Variants in SERPINA6 observed in about 807,000 individuals in gnomAD.
The protein encoded by SERPINA6 is corticosteroid-binding globulin.
In SERPINA6, 19 loss-of-function variants were observed where a neutral mutation model predicts 26.4. The ratio of observed to expected loss-of-function variants is 0.72; its 90% CI spans 0.50 to 1.06. The LOEUF (loss-of-function observed/expected upper bound fraction) is 1.06, where lower values mean the gene tolerates loss of function less well. Ranked by LOEUF, SERPINA6 falls within the 50% of genes least tolerant of loss-of-function variation. The pLI, the probability that SERPINA6 is intolerant of heterozygous loss-of-function variation, is 0.00. For missense variants in SERPINA6, 473 were observed against 504.0 expected (o/e 0.94, Z 0.59); for synonymous variants, 196 against 199.4 (o/e 0.98, Z 0.14).
intron 2 of SERPINA6, among the ~76,000 whole-genome samples, chr14:94,311,064 A>G (rs1895522677): frequency 6.6e-6 from 1 of 152,220 alleles, no homozygotes; most frequent in African/African-American, 2.4e-5. Context: ...ACCTTTTGTA[A>G]TAGCTACTTA....
Position 94,314,659 on chromosome 14 carries a change from A to G in SERPINA6, c.-11T>C. The G allele has an allele frequency of 6.2e-7, 1 of 1,611,904 alleles. No individual in the cohort carries two copies. Among genetic ancestry groups the G allele is most frequent in the Middle Eastern group, 1.7e-4 (1 of 6,060 alleles). On this transcript the variant is annotated 5_prime_UTR_variant, in exon 2 of 5. Coordinates refer to ENST00000341584, the MANE Select transcript of SERPINA6 (RefSeq NM_001756.4). ...CAGGAGGAGTGGCATTGTCCAGTAT[A>G]GCCAGGCCCTGCCAAATCAGAAAAG...
chr14:94,316,557 G>A (rs1895617362), intron 1 of SERPINA6, among the ~76,000 whole-genome samples: 1 of 152,160 alleles, frequency 6.6e-6, no homozygotes, highest in African/African-American at 2.4e-5. Context: ...TGTTTTACCA[G>A]CTGCTAAGGT....
chr14:94,315,012 A>C (rs1895593805), intron 1 of SERPINA6, among the ~76,000 whole-genome samples: 1 of 152,234 alleles, frequency 6.6e-6, no homozygotes, highest in Non-Finnish European at 1.5e-5. Context: ...GTTAAAACCC[A>C]CCCAAAGGAT....
chr14:94,304,278 G>T lies in SERPINA6; in HGVS notation c.*140C>A, dbSNP rs532985180. 1 of 846,988 alleles carries T rather than the reference G, an allele frequency of 1.2e-6. No individual in the cohort carries two copies. Among genetic ancestry groups the T allele is most frequent in the East Asian group, 2.5e-5 (1 of 40,340 alleles). 52.5% of individuals were successfully genotyped at this position (846,988 alleles called of 1,614,324 possible). A position where few individuals can be genotyped will look rare whatever the true frequency, so the allele number is the denominator to read the frequency against. On this transcript the variant is annotated 3_prime_UTR_variant, in exon 5 of 5. Transcript: ENST00000341584. ...GTCGCAATGACATTTATTAAAAGAT[G>T]CCTAAAGTTAGACACAACTCTGGTT...
intron 1 of SERPINA6, among the ~76,000 whole-genome samples, chr14:94,319,225 G>A (rs1324562505): frequency 6.6e-6 from 1 of 152,212 alleles, no homozygotes; most frequent in South Asian, 2.1e-4. Context: ...AGCTGAGGCA[G>A]GAGGAATGCT....
chr14:94,314,208 G>A lies in SERPINA6; in HGVS notation c.441C>T (p.Ile147=), dbSNP rs150926257. The change falls in exon 2 of 5, where the codon ATC becomes ATT. Residue 147 remains isoleucine (I), a synonymous_variant. Coordinates refer to ENST00000341584, the MANE Select transcript of SERPINA6 (RefSeq NM_001756.4). The stretch of plus-strand genomic sequence containing the variant: ...AGACCTCTGACTCATAGTAGTGCTT[G>A]ATGTCTGCTGAGAATGACTCCAGCA... ...LELLESFSAD[I]KHYYESEVLA... is the part of the protein sequence containing the mutation. 1,146 of 1,614,212 alleles carry A rather than the reference G, an allele frequency of 7.1e-4. 13 individuals are homozygous for A. The East Asian group carries it at 0.022, about 30-fold the overall frequency.
chr14:94,310,144 G>A (rs989293248), intron 2 of SERPINA6, 138 bp from the exon 3 acceptor site: 30 of 858,536 alleles, frequency 3.5e-5, no homozygotes, highest in Middle Eastern at 3.2e-4. Context: ...AGGGTTTTTA[G>A]GTAAGATATA....
chr14:94,314,466 C>A lies in SERPINA6; in HGVS notation c.183G>T (p.Lys61Asn), dbSNP rs748129916. ...YKHLVALSPK[K>N]NIFISPVSIS... ...TGCTCACAGGGGAGATGAAAATGTT[C>A]TTTTTGGGACTCAAGGCCACTAGGT... The change falls in exon 2 of 5, where the codon AAG becomes AAT. Residue 61 changes from lysine to asparagine, a missense_variant. By Grantham distance (94) the Lys-to-Asn change is moderately conservative (BLOSUM62 0). Transcript: ENST00000341584. The A allele has an allele frequency of 6.2e-7, 1 of 1,614,016 alleles. No homozygotes were observed. Among genetic ancestry groups the A allele is most frequent in the Non-Finnish European group, 8.5e-7 (1 of 1,180,042 alleles).
intron 1 of SERPINA6, among the ~76,000 whole-genome samples, chr14:94,315,705 T>A (rs956290534): frequency 2.6e-5 from 4 of 152,144 alleles, no homozygotes; most frequent in African/African-American, 9.7e-5. Flanking sequence ...TACACTAATA[T>A]TAGACAAAAT....
chr14:94,318,722 G>C (rs1234283149), intron 1 of SERPINA6, among the ~76,000 whole-genome samples: 1 of 151,924 alleles, frequency 6.6e-6, no homozygotes, highest in Non-Finnish European at 1.5e-5. Flanking sequence ...AAAAAACATG[G>C]GGGAAAAACT....
chr14:94,320,882 C>G (rs763055524), intron 1 of SERPINA6, among the ~76,000 whole-genome samples: 9 of 152,178 alleles, frequency 5.9e-5, no homozygotes, highest in Non-Finnish European at 1.3e-4. Context: ...GCTCCCCACT[C>G]CCCGCACCCA....
At chr14:94,310,716 C>T (rs535833415) in intron 2 of SERPINA6, among the ~76,000 whole-genome samples, 5 of 152,164 alleles carry the variant, frequency 3.3e-5, no homozygotes, top group Non-Finnish European at 7.4e-5. Flanking sequence ...CCTGATTGTC[C>T]GCCACCAGCA....
intron 1 of SERPINA6, among the ~76,000 whole-genome samples, chr14:94,317,938 T>A (rs967935527): frequency 6.6e-6 from 1 of 152,220 alleles, no homozygotes; most frequent in African/African-American, 2.4e-5. Flanking sequence ...TGATCTTATA[T>A]GTTCAAAACC....
At chr14:94,313,573 C>T (rs951214246) in intron 2 of SERPINA6, among the ~76,000 whole-genome samples, 6 of 152,170 alleles carry the variant, frequency 3.9e-5, no homozygotes, top group Non-Finnish European at 7.3e-5. Context: ...TGCATTCCCC[C>T]CTAGAGCTTC....
intron 2 of SERPINA6, among the ~76,000 whole-genome samples, chr14:94,311,126 G>A (rs557141844): frequency 4.6e-5 from 7 of 152,300 alleles, no homozygotes; most frequent in South Asian, 2.1e-4. Context: ...CCATGGCTGC[G>A]GAGTCTAGAG....
intron 1 of SERPINA6, among the ~76,000 whole-genome samples, chr14:94,320,982 G>A (rs1183896771): frequency 1.3e-5 from 2 of 152,152 alleles, no homozygotes; most frequent in Non-Finnish European, 1.5e-5. Flanking sequence ...ACCCAGAAAA[G>A]ATCCTGGGTT....
rs1299969579 is a variant in SERPINA6 at position 94,314,564 on chromosome 14, A to T, written c.85T>A (p.Tyr29Asn). The change falls in exon 2 of 5, where the codon TAT becomes AAT. Residue 29 changes from tyrosine to asparagine, a missense_variant. Tyr to Asn is a moderately radical substitution (Grantham distance 143). Coordinates refer to ENST00000341584, the MANE Select transcript of SERPINA6 (RefSeq NM_001756.4). ...TVQAMDPNAA[Y>N]VNMSNHHRGL... The stretch of plus-strand genomic sequence containing the variant: ...CGGTGATGGTTACTCATGTTCACAT[A>T]AGCAGCGTTAGGATCCATGGCCTGG... 2 of 1,614,222 alleles carry T rather than the reference A, an allele frequency of 1.2e-6. No homozygotes were observed. The highest frequency in any genetic ancestry group is 1.7e-6 in the Non-Finnish European group (2 of 1,180,030).
chr14:94,314,300 C>T lies in SERPINA6; in HGVS notation c.349G>A (p.Ala117Thr). ...QGFQHLHQLF[A>T]KSDTSLEMTM... ...ATTTCTAAGCTGGTGTCTGACTTTG[C>T]AAAGAGTTGGTGCAGGTGCTGGAAA... The change falls in exon 2 of 5, where the codon GCA becomes ACA. Residue 117 changes from alanine to threonine, a missense_variant. Transcript: ENST00000341584. 1 of 1,614,168 alleles carries T rather than the reference C, an allele frequency of 6.2e-7. No individual in the cohort carries two copies. Among genetic ancestry groups the T allele is most frequent in the Non-Finnish European group, 8.5e-7 (1 of 1,180,018 alleles).
chr14:94,311,902 T>G (rs538599967), intron 2 of SERPINA6, among the ~76,000 whole-genome samples: 1 of 151,988 alleles, frequency 6.6e-6, no homozygotes, highest in African/African-American at 2.4e-5. Flanking sequence ...GAGCCAAGAT[T>G]CTGCCACTGC....
Sources: allele counts gnomAD v4.1 joint callset (sites outside exome capture counted in the v4.1 genomes callset), GRCh38; gene constraint gnomAD v4.1.1; transcripts MANE v1.5; gene names NCBI Gene and HGNC (gene_info 2026-07-23, HGNC 2026-07-21).